Variants in MYBL2 observed in about 807,000 individuals in gnomAD.
MYBL2 encodes the protein MYB proto-oncogene like 2.
MYBL2 carries 28 observed loss-of-function variants against 79.9 expected under a neutral mutation model. That is an observed-to-expected ratio of 0.35 (90% CI 0.26 to 0.48). The LOEUF (loss-of-function observed/expected upper bound fraction) is 0.48. Ranked by LOEUF, MYBL2 falls within the 20% of genes least tolerant of loss-of-function variation. The probability of loss-of-function intolerance (pLI) is 0.99; values close to 1 mark genes in which losing one functional copy is unlikely to be tolerated. For missense variants in MYBL2, 735 were observed against 893.9 expected, an observed-to-expected ratio of 0.82 and a Z score of 2.27; for synonymous variants, 378 against 361.2, an observed-to-expected ratio of 1.05 and a Z score of -0.53.
intron 7 of MYBL2, among the ~76,000 whole-genome samples, chr20:43,702,230 T>G (rs756033037): frequency 6.6e-6 from 1 of 152,106 alleles, no homozygotes; most frequent in African/African-American, 2.4e-5. Flanking sequence ...ACCCAGGAGT[T>G]CAAGCCTGCA....
Position 43,683,551 on chromosome 20 carries a change from A to AT in MYBL2, c.279+685dup, listed in dbSNP as rs1181872489. Among the ~76,000 whole-genome samples the AT allele has an allele frequency of 2.0e-3, 281 of 137,664 alleles. 2 individuals carry two copies. The highest frequency in any genetic ancestry group is 5.7e-3 in the African/African-American group (201 of 35,256). 90.3% of individuals were successfully genotyped at this position (137,664 alleles called of 152,430 possible). A position where few individuals can be genotyped will look rare whatever the true frequency, so the allele number is the denominator to read the frequency against. Reference sequence around the variant, plus strand: ...AAGAGGGAGATGAAGGGAACTAGGCATTTTTTTTTTTTTTTTTTTTGAGAC... The same window carrying AT: ...AAGAGGGAGATGAAGGGAACTAGGCATTTTTTTTTTTTTTTTTTTTTGAGAC... On this transcript the variant is annotated intron_variant, in intron 4 of 13. Coordinates refer to ENST00000217026, the MANE Select transcript of MYBL2 (RefSeq NM_002466.4).
intron 12 of MYBL2, 115 bp from the exon 13 acceptor site, chr20:43,715,019 C>T: frequency 8.1e-7 from 1 of 1,234,996 alleles, no homozygotes; most frequent in Non-Finnish European, 1.2e-6. Context: ...AAGTGTGTAT[C>T]CTCTTTCAGG....
At chr20:43,699,486 T>C (rs1006300737) in intron 6 of MYBL2, among the ~76,000 whole-genome samples, 3 of 152,248 alleles carry the variant, frequency 2.0e-5, no homozygotes, top group African/African-American at 4.8e-5. Flanking sequence ...AGGATCTTTA[T>C]CTACAGTTTA....
chr20:43,708,377 G>A lies in MYBL2; in HGVS notation c.1506-1586G>A, dbSNP rs72626520. Among the ~76,000 whole-genome samples, 83 of 152,264 alleles carry A rather than the reference G, an allele frequency of 5.5e-4. No homozygotes were observed. In the East Asian group the frequency reaches 0.016, roughly 29 times the overall value. Reference sequence around the variant, plus strand: ...AGCCTCCTAAAGTGCTGGCATTACAGGGGTGAGCCACAAGGCCCGGCCTCT... The same window carrying A: ...AGCCTCCTAAAGTGCTGGCATTACAAGGGTGAGCCACAAGGCCCGGCCTCT... On this transcript the variant is annotated intron_variant, in intron 9 of 13. Coordinates refer to ENST00000217026, the MANE Select transcript of MYBL2 (RefSeq NM_002466.4).
At chr20:43,711,712 G>A (rs1189173257) in intron 11 of MYBL2, 111 bp downstream of exon 11, 7 of 920,966 alleles carry the variant, frequency 7.6e-6, no homozygotes, top group African/African-American at 1.7e-5. Flanking sequence ...GAATGGGGGC[G>A]TAGCATATCC....
intron 9 of MYBL2, among the ~76,000 whole-genome samples, chr20:43,707,195 TAAAA>T (rs199537584): frequency 1.3e-4 from 17 of 133,390 alleles, no homozygotes; most frequent in African/African-American, 3.6e-4. Flanking sequence ...TTTTTTTTTT[TAAAA>T]AAAAAAGAGA....
Position 43,715,263 on chromosome 20 carries a change from C to T in MYBL2, c.1954C>T (p.His652Tyr). ...AGCAGTGGCCCAGAAGCCCCGAAGCCACTTCACGACACCTGCCCCTGTGAG... is the reference window on the plus strand; with the variant it reads ...AGCAGTGGCCCAGAAGCCCCGAAGCTACTTCACGACACCTGCCCCTGTGAG... ...KAAVAQKPRSHFTTPAPMSSA... is the reference protein window; with the variant it reads ...KAAVAQKPRSYFTTPAPMSSA... The change falls in exon 13 of 14, where the codon CAC (histidine) becomes TAC (tyrosine). Residue 652 changes from histidine (H) to tyrosine (Y), a missense_variant. Physicochemically the swap from His to Tyr is moderately conservative, Grantham distance 83. Around this residue, in one of 5 missense-constraint regions of MYBL2, gnomAD observed 204 missense variants for 202.9 expected, o/e 1.01. Transcript: ENST00000217026. 6.2e-7 allele frequency: 1 copy of T among 1,614,218 alleles called. No homozygotes were observed.
intron 8 of MYBL2, among the ~76,000 whole-genome samples, chr20:43,704,274 C>T (rs1174215058): frequency 6.6e-6 from 1 of 152,190 alleles, no homozygotes; most frequent in African/African-American, 2.4e-5. Context: ...CCTCGGCCTC[C>T]CAAAGTGCTG....
At chr20:43,711,009 C>T (rs1987892457) in intron 10 of MYBL2, among the ~76,000 whole-genome samples, 1 of 152,142 alleles carries the variant, frequency 6.6e-6, no homozygotes, top group Non-Finnish European at 1.5e-5. Context: ...TAGCACTCGC[C>T]CTCCCCTGTT....
In MYBL2 at chr20:43,701,559, G is replaced by A. The variant is rs145261289; in HGVS notation, c.952-931G>A. Among the ~76,000 whole-genome samples the A allele has an allele frequency of 6.1e-3, 929 of 152,360 alleles. 4 individuals carry two copies. Among genetic ancestry groups the A allele is most frequent in the Middle Eastern group, 0.01 (3 of 294 alleles). ...CGGGCTTGTTCTAGAAGCTGAGTGA[G>A]TAACTTTGGGAAGACCGAATCCCCT... On this transcript the variant is annotated intron_variant, in intron 7 of 13. Coordinates refer to ENST00000217026, the MANE Select transcript of MYBL2 (RefSeq NM_002466.4).
At chr20:43,683,658 A>G (rs544432055) in intron 4 of MYBL2, among the ~76,000 whole-genome samples, 1 of 148,154 alleles carries the variant, frequency 6.7e-6, no homozygotes, top group South Asian at 2.1e-4. Flanking sequence ...GGTTCAAGCG[A>G]TTCTCGTGTC....
At chr20:43,693,189 G>A (rs1450175642) in intron 6 of MYBL2, among the ~76,000 whole-genome samples, 1 of 152,006 alleles carries the variant, frequency 6.6e-6, no homozygotes, top group African/African-American at 2.4e-5. Flanking sequence ...GCACCACCAC[G>A]CCTGACTAAT....
intron 9 of MYBL2, among the ~76,000 whole-genome samples, chr20:43,708,209 C>T (rs28396649): frequency 1.4e-4 from 22 of 152,246 alleles, no homozygotes; most frequent in Non-Finnish European, 1.9e-4. Flanking sequence ...AAGTGATCCT[C>T]CCACCTCAGC....
At chr20:43,687,251 G>A (rs1176516517) in intron 5 of MYBL2, among the ~76,000 whole-genome samples, 179 bp downstream of exon 5, 2 of 152,206 alleles carry the variant, frequency 1.3e-5, no homozygotes, top group African/African-American at 4.8e-5. Context: ...CCCCAGGGAA[G>A]GCCCTGTCTT....
intron 6 of MYBL2, among the ~76,000 whole-genome samples, chr20:43,694,568 C>T (rs552357253): frequency 2.9e-4 from 44 of 152,180 alleles, no homozygotes; most frequent in Admixed American, 8.5e-4. Context: ...CCTGCTAGAG[C>T]GATATATTAT....
chr20:43,708,574 A>G (rs1189993534), intron 9 of MYBL2, among the ~76,000 whole-genome samples: 1 of 151,964 alleles, frequency 6.6e-6, no homozygotes, highest in Non-Finnish European at 1.5e-5. Flanking sequence ...TTGGGACTAC[A>G]AGCACCACCA....
rs73278157 is a variant in MYBL2, at chr20:43,715,865, G to A, written c.1975-94G>A. ...AGGCTCTGGCTTCTAGGGGAGGGAG[G>A]CTTATAACTCTACCCTTCCCTGGCC... On this transcript the variant is annotated intron_variant, in intron 13 of 13. Transcript: ENST00000217026. 2.2e-3 allele frequency: 3,294 copies of A among 1,467,446 alleles called. 74 individuals are homozygous for A. In the African/African-American group the frequency reaches 0.042, roughly 19 times the overall value. 90.9% of individuals were successfully genotyped at this position (1,467,446 alleles called of 1,614,324 possible). A position where few individuals can be genotyped will look rare whatever the true frequency, so the allele number is the denominator to read the frequency against.
chr20:43,711,665 G>T (rs556836434), intron 11 of MYBL2, 64 bp downstream of exon 11: 2 of 1,440,176 alleles, frequency 1.4e-6, no homozygotes, highest in Non-Finnish European at 1.9e-6. Flanking sequence ...TGGGGGAGGC[G>T]TCTGGGGACA....
At chr20:43,698,246 A>C (rs915103487) in intron 6 of MYBL2, among the ~76,000 whole-genome samples, 9 of 149,666 alleles carry the variant, frequency 6.0e-5, no homozygotes, top group African/African-American at 2.2e-4. Flanking sequence ...TTTTATAGAG[A>C]TGGGGTTTGC....
Sources: gnomAD v4.1 joint callset for allele counts (sites outside exome capture counted in the v4.1 genomes callset) on GRCh38, gnomAD v4.1.1 for gene constraint, gnomAD v4.1.1 regional missense constraint, MANE v1.5 for transcripts, NCBI Gene and HGNC (gene_info 2026-07-23, HGNC 2026-07-21) for gene names.